NF1: variants seen among roughly 807,000 people sequenced by gnomAD.
The protein encoded by NF1 is neurofibromin.
NF1 carries 122 observed loss-of-function variants against 325.7 expected under a neutral mutation model. That is an observed-to-expected ratio of 0.37 (90% CI 0.32 to 0.44). The LOEUF (loss-of-function observed/expected upper bound fraction) is 0.44, where lower values mean the gene tolerates loss of function less well. Among genes scored for constraint, NF1 ranks in the 20% least tolerant of loss-of-function variants. NF1 has a pLI of 1.00. For missense variants in NF1, 2,140 were observed against 3,415.4 expected (o/e 0.63, Z 9.31); for synonymous variants, 1,091 against 1,186.0 (o/e 0.92, Z 1.65).
At chr17:31,256,613 C>T (rs1216673233) in intron 31 of NF1, among the ~76,000 whole-genome samples, 3 of 152,136 alleles carry the variant, frequency 2.0e-5, no homozygotes, top group African/African-American at 2.4e-5. Context: ...GGTTCAACAC[C>T]GTACTGGAAT....
At position 31,336,561 on chromosome 17, in the gene NF1, A is replaced by G; in HGVS notation, c.6148-74A>G. ...TGTTTTGTAATTACTTTTAAATTAA[A>G]CTGAACTTTTTTGTGCTAAAACTTT... is the stretch of plus-strand genomic sequence containing the variant. On this transcript the variant is annotated intron_variant, in intron 41 of 57. Coordinates refer to ENST00000358273, the MANE Select transcript of NF1 (RefSeq NM_001042492.3). This position sits in a 1 kb window ranked among gnomAD's most constrained non-coding sequence, Gnocchi z 5.5. 1 of 1,590,190 alleles carries G rather than the reference A, an allele frequency of 6.3e-7. No homozygotes were observed. The highest frequency in any genetic ancestry group is 8.6e-7 in the Non-Finnish European group (1 of 1,166,976).
chr17:31,294,894 G>A, intron 36 of NF1: 1 of 1,377,450 alleles, frequency 7.3e-7, no homozygotes, highest in Non-Finnish European at 1.0e-6. Context: ...GAAATGTTAA[G>A]ACTGGCTTTC....
chr17:31,220,747 A>G (rs1346122152), intron 14 of NF1, among the ~76,000 whole-genome samples: 1 of 152,152 alleles, frequency 6.6e-6, no homozygotes, highest in Non-Finnish European at 1.5e-5. Flanking sequence ...TAAAGCCTGG[A>G]AAAGGCTAAC....
Position 31,096,671 on chromosome 17 carries a change from T to G in NF1, c.60+1302T>G, listed in dbSNP as rs575187688. 1.6e-4 allele frequency among the ~76,000 whole-genome samples: 24 copies of G among 152,298 alleles called. No individual in the cohort carries two copies. The South Asian group carries it at 4.8e-3, about 30-fold the overall frequency. ...GGGGAAGAGCTCTTCTGTTATTTGATGCATAAACATTTCTTTACGGGACTC... is the reference window on the plus strand; with the variant it reads ...GGGGAAGAGCTCTTCTGTTATTTGAGGCATAAACATTTCTTTACGGGACTC... On this transcript the variant is annotated intron_variant, in intron 1 of 57. Coordinates refer to ENST00000358273, the MANE Select transcript of NF1 (RefSeq NM_001042492.3).
At chr17:31,174,441 T>C (rs1308588298) in intron 5 of NF1, among the ~76,000 whole-genome samples, 3 of 152,208 alleles carry the variant, frequency 2.0e-5, no homozygotes, top group Non-Finnish European at 2.9e-5. Flanking sequence ...TTCATCTCTT[T>C]GACTGGACAC....
At chr17:31,350,946 C>T (rs886434466) in intron 50 of NF1, among the ~76,000 whole-genome samples, 2 of 152,078 alleles carry the variant, frequency 1.3e-5, no homozygotes, top group African/African-American at 4.8e-5. Flanking sequence ...CTTCTGTTCG[C>T]AAAACTCGTA....
Position 31,163,209 on chromosome 17 carries a change from A to G in NF1, c.312A>G (p.Leu104=), listed in dbSNP as rs2143670692. 1 of 1,614,168 alleles carries G rather than the reference A, an allele frequency of 6.2e-7. No individual in the cohort carries two copies. The change falls in exon 4 of 58, where the codon TTA becomes TTG. Residue 104 remains leucine, a synonymous_variant. Coordinates refer to ENST00000358273, the MANE Select transcript of NF1 (RefSeq NM_001042492.3). ...LAGQPKDTMR[L]DETMLVKQLL... ...AGCAACCAAAGGACACAATGAGATT[A>G]GATGAAACGATGCTGGTCAAACAGT...
chr17:31,370,192 A>G (rs894197798), intron 57 of NF1, among the ~76,000 whole-genome samples: 1 of 152,228 alleles, frequency 6.6e-6, no homozygotes, highest in Non-Finnish European at 1.5e-5. Flanking sequence ...TAGATGAAAA[A>G]TGAATTTGAG....
chr17:31,182,266 A>C (rs1268339745), intron 7 of NF1, among the ~76,000 whole-genome samples: 1 of 152,214 alleles, frequency 6.6e-6, no homozygotes, highest in Admixed American at 6.5e-5. Context: ...GACTGAATAC[A>C]TGATCATCCA....
In NF1 at chr17:31,375,026, ATAT is replaced by A. The variant is rs1314916004; in HGVS notation, c.*873_*875del. The A allele has an allele frequency of 7.6e-5, 15 of 197,544 alleles. No individual in the cohort carries two copies. The South Asian group carries it at 1.1e-3, about 15-fold the overall frequency. The allele number at this position is 197,544 out of a possible 1,614,324, so 12.2% of individuals were successfully genotyped here. Reference sequence around the variant, plus strand: ...AAGTATAGTAATTATATATATATATATATTTTTTCCCCTCCCCCTCTTCTTTCC... The same window carrying A: ...AAGTATAGTAATTATATATATATATATTTTTCCCCTCCCCCTCTTCTTTCC... On this transcript the variant is annotated 3_prime_UTR_variant, in exon 58 of 58. Transcript: ENST00000358273.
In NF1 at chr17:31,129,356, T is replaced by C. The variant is rs963028605; in HGVS notation, c.61-26627T>C. On this transcript the variant is annotated intron_variant, in intron 1 of 57. Coordinates refer to ENST00000358273, the MANE Select transcript of NF1 (RefSeq NM_001042492.3). The stretch of plus-strand genomic sequence containing the variant: ...CTTTTCATTCTTTTGTCTTTATTCT[T>C]GTCTGTCTTCTTATTTCAGAAAGCC... Among the ~76,000 whole-genome samples the C allele has an allele frequency of 2.6e-5, 4 of 152,164 alleles. No individual in the cohort carries two copies. The East Asian group carries it at 7.7e-4, about 29-fold the overall frequency.
At chr17:31,142,260 T>A (rs1004537691) in intron 1 of NF1, among the ~76,000 whole-genome samples, 2 of 152,224 alleles carry the variant, frequency 1.3e-5, no homozygotes, top group African/African-American at 4.8e-5. Flanking sequence ...TAGCTTTACA[T>A]TTCTTCCATT....
At chr17:31,263,019 T>C (rs2067711132) in intron 35 of NF1, among the ~76,000 whole-genome samples, 1 of 93,302 alleles carries the variant, frequency 1.1e-5, no homozygotes, top group Non-Finnish European at 2.7e-5. Flanking sequence ...CTTGTCTTTA[T>C]TAGATAGATA....
intron 1 of NF1, among the ~76,000 whole-genome samples, chr17:31,118,703 G>A (rs1327653610): frequency 6.6e-6 from 1 of 152,092 alleles, no homozygotes; most frequent in African/African-American, 2.4e-5. Flanking sequence ...ATGGGCATTT[G>A]GGTTGGTTGC....
chr17:31,341,593 A>T (rs148134855), intron 47 of NF1, among the ~76,000 whole-genome samples: 1,359 of 42,424 alleles, frequency 0.032, 21 homozygotes, highest in African/African-American at 0.1. Flanking sequence ...TATATATATA[A>T]AGTGTGTGTG....
chr17:31,374,224 TTGC>T lies in NF1; in HGVS notation c.*70_*72del. 3 of 1,598,422 alleles carry T rather than the reference TTGC, an allele frequency of 1.9e-6. No individual in the cohort carries two copies. The highest frequency in any genetic ancestry group is 2.6e-6 in the Non-Finnish European group (3 of 1,166,686). ...TTCACTAGTGACCCCTTCCCTGTCC[TTGC>T]CCTTTCCCCCCATGTTGTAATGCTG... On this transcript the variant is annotated 3_prime_UTR_variant, in exon 58 of 58. Coordinates refer to ENST00000358273, the MANE Select transcript of NF1 (RefSeq NM_001042492.3).
intron 31 of NF1, among the ~76,000 whole-genome samples, 200 bp from the exon 32 acceptor site, chr17:31,258,123 CCTCTGAGATACCTTAATTGTA>C (rs2151461276): frequency 6.6e-6 from 1 of 151,986 alleles, no homozygotes; most frequent in East Asian, 1.9e-4. Flanking sequence ...GTTTTTCTTT[CCTCTGAGATACCTTAATTGTA>C]CTTTAATATG....
At chr17:31,352,642 A>G (rs1477827841) in intron 51 of NF1, among the ~76,000 whole-genome samples, 3 of 152,114 alleles carry the variant, frequency 2.0e-5, no homozygotes, top group African/African-American at 7.2e-5. Flanking sequence ...TCTTATACTA[A>G]ATATTGTGAC....
At chr17:31,179,004 A>G (rs563149208) in intron 5 of NF1, among the ~76,000 whole-genome samples, 3 of 152,240 alleles carry the variant, frequency 2.0e-5, no homozygotes, top group Admixed American at 6.5e-5. Flanking sequence ...TCAGCCCTGC[A>G]CCAAGTGGAC....
Sources: allele counts gnomAD v4.1 joint callset (sites outside exome capture counted in the v4.1 genomes callset), GRCh38; gene constraint gnomAD v4.1.1; non-coding constraint Gnocchi (gnomAD v3.1); transcripts MANE v1.5; gene names NCBI Gene and HGNC (gene_info 2026-07-23, HGNC 2026-07-21).